Variants in TCF4 observed in about 807,000 individuals in gnomAD.
The protein encoded by TCF4 is transcription factor 4.
TCF4 carries 3 observed loss-of-function variants against 82.1 expected under a neutral mutation model. That is an observed-to-expected ratio of 0.04 (90% CI 0.02 to 0.09). The LOEUF is 0.09. Ranked by LOEUF, TCF4 falls within the 10% of genes least tolerant of loss-of-function variation. The probability of loss-of-function intolerance (pLI) is 1.00; values close to 1 mark genes in which losing one functional copy is unlikely to be tolerated. For synonymous variants in TCF4, 276 were observed against 309.6 expected (o/e 0.89, Z 1.14); for missense variants, 518 against 852.7 (o/e 0.61, Z 4.89).
intron 3 of TCF4, among the ~76,000 whole-genome samples, chr18:55,559,142 C>T (rs1343868668): frequency 6.7e-6 from 1 of 149,330 alleles, no homozygotes; most frequent in African/African-American, 2.5e-5. Context: ...AGAACACGTT[C>T]CCCAAAGCAA....
chr18:55,628,371 T>G (rs967400682), intron 2 of TCF4, among the ~76,000 whole-genome samples: 1 of 152,196 alleles, frequency 6.6e-6, no homozygotes, highest in Non-Finnish European at 1.5e-5. Flanking sequence ...CCTGCTGTTC[T>G]TATTTCTGTG....
At chr18:55,335,892 A>G (rs2078530588) in intron 8 of TCF4, among the ~76,000 whole-genome samples, 1 of 152,128 alleles carries the variant, frequency 6.6e-6, no homozygotes, top group South Asian at 2.1e-4. Context: ...ATTAAAAATG[A>G]CATTCACACC....
At chr18:55,575,562 C>T (rs562508274) in intron 3 of TCF4, among the ~76,000 whole-genome samples, 1 of 152,068 alleles carries the variant, frequency 6.6e-6, no homozygotes, top group Admixed American at 6.6e-5. Context: ...TCTAGAATAT[C>T]CTCTTTGTCA....
chr18:55,510,095 G>C lies in TCF4; in HGVS notation c.146-45958C>G, dbSNP rs1391836559. On this transcript the variant is annotated intron_variant, in intron 3 of 19. Coordinates refer to ENST00000354452, the MANE Select transcript of TCF4 (RefSeq NM_001083962.2). ...CTCCTTCAAGTTTCTACTAAACCAAGGCCAAGTCTCCCCCTGATGTTCTAT... is the reference window on the plus strand; with the variant it reads ...CTCCTTCAAGTTTCTACTAAACCAACGCCAAGTCTCCCCCTGATGTTCTAT... Among the ~76,000 whole-genome samples, 6 of 149,698 alleles carry C rather than the reference G, an allele frequency of 4.0e-5. No homozygotes were observed. In the East Asian group the frequency reaches 1.2e-3, roughly 29 times the overall value.
intron 18 of TCF4, 112 bp from the exon 19 acceptor site, chr18:55,228,473 A>G: frequency 7.0e-7 from 1 of 1,436,028 alleles, no homozygotes; most frequent in Non-Finnish European, 9.7e-7. Flanking sequence ...ATATTACAGA[A>G]CAAAAGGAAC....
intron 4 of TCF4, among the ~76,000 whole-genome samples, chr18:55,463,725 C>A (rs1603484976): frequency 1.3e-5 from 2 of 152,102 alleles, no homozygotes; most frequent in East Asian, 3.9e-4. Flanking sequence ...CCATCTACAA[C>A]AAACAGCATT....
chr18:55,522,007 C>T (rs1273104954), intron 3 of TCF4, among the ~76,000 whole-genome samples: 1 of 152,138 alleles, frequency 6.6e-6, no homozygotes. Context: ...GTTGGGTTTC[C>T]AGAGCCTGTA....
At chr18:55,618,996 T>G (rs529701621) in intron 2 of TCF4, among the ~76,000 whole-genome samples, 90 of 152,274 alleles carry the variant, frequency 5.9e-4, no homozygotes, top group African/African-American at 1.8e-3. Flanking sequence ...TTGTCTGGTT[T>G]TGGTATCAGA....
At chr18:55,475,869 G>A (rs2096278615) in intron 3 of TCF4, among the ~76,000 whole-genome samples, 1 of 152,090 alleles carries the variant, frequency 6.6e-6, no homozygotes, top group South Asian at 2.1e-4. Flanking sequence ...GAGTGGGGAG[G>A]GCAGGAACAA....
chr18:55,535,413 T>C (rs1441813796), intron 3 of TCF4, among the ~76,000 whole-genome samples: 3 of 152,200 alleles, frequency 2.0e-5, no homozygotes, highest in African/African-American at 7.2e-5. Flanking sequence ...TACTTAAGTA[T>C]AAACAGCAGT....
At chr18:55,350,672 A>G (rs977168385) in intron 7 of TCF4, among the ~76,000 whole-genome samples, 1 of 151,976 alleles carries the variant, frequency 6.6e-6, no homozygotes, top group Non-Finnish European at 1.5e-5. Context: ...ATAAGCAGAC[A>G]CCAAAAAAGT....
At chr18:55,416,553 T>C (rs1270503475) in intron 5 of TCF4, among the ~76,000 whole-genome samples, 1 of 152,198 alleles carries the variant, frequency 6.6e-6, no homozygotes, top group Non-Finnish European at 1.5e-5. Flanking sequence ...CCAAGTAACA[T>C]TTCCATCATA....
intron 15 of TCF4, among the ~76,000 whole-genome samples, chr18:55,236,311 C>T (rs1032635693): frequency 9.2e-5 from 14 of 152,112 alleles, no homozygotes; most frequent in African/African-American, 3.1e-4. Flanking sequence ...GGTTATTTGG[C>T]CTCTGTGGGG....
At position 55,278,481 on chromosome 18, in the gene TCF4, T is replaced by A. The variant is rs1411586520; in HGVS notation, c.655+1070A>T. Among the ~76,000 whole-genome samples, 6 of 152,358 alleles carry A rather than the reference T, an allele frequency of 3.9e-5. No individual in the cohort carries two copies. In the East Asian group the frequency reaches 1.2e-3, roughly 29 times the overall value. ...CAGGATGGAGCCCTTAGGGGCATCC[T>A]CCAAGTGGTTCATTCTTGAAGTAGC... On this transcript the variant is annotated intron_variant, in intron 9 of 19. Transcript: ENST00000354452.
chr18:55,278,057 C>A (rs1196392241), intron 9 of TCF4, among the ~76,000 whole-genome samples: 1 of 152,088 alleles, frequency 6.6e-6, no homozygotes, highest in Non-Finnish European at 1.5e-5. Flanking sequence ...GGAACAAATT[C>A]TCTCTATTCC....
chr18:55,236,764 TGTCA>T (rs1221306063), intron 15 of TCF4, among the ~76,000 whole-genome samples: 1 of 152,228 alleles, frequency 6.6e-6, no homozygotes, highest in Non-Finnish European at 1.5e-5. Flanking sequence ...TCTTTATGTC[TGTCA>T]ATCAATATAA....
chr18:55,435,199 G>A (rs1464997749), intron 5 of TCF4, among the ~76,000 whole-genome samples: 1 of 152,176 alleles, frequency 6.6e-6, no homozygotes, highest in African/African-American at 2.4e-5. Flanking sequence ...AATGCCTGAT[G>A]CAATGTGAGT....
At chr18:55,234,846 C>T (rs572503773) in intron 15 of TCF4, among the ~76,000 whole-genome samples, 163 bp from the exon 16 acceptor site, 18 of 152,228 alleles carry the variant, frequency 1.2e-4, no homozygotes, top group Admixed American at 3.3e-4. Context: ...CTATAGTTCC[C>T]GGCGAAAACA....
intron 6 of TCF4, among the ~76,000 whole-genome samples, chr18:55,394,582 C>T (rs759863826): frequency 1.6e-4 from 24 of 152,088 alleles, no homozygotes; most frequent in Non-Finnish European, 3.1e-4. Context: ...GTCGCTCTCC[C>T]GCCAAAATGT....
Sources: gnomAD v4.1 joint callset for allele counts (sites outside exome capture counted in the v4.1 genomes callset) on GRCh38, gnomAD v4.1.1 for gene constraint, MANE v1.5 for transcripts, NCBI Gene and HGNC (gene_info 2026-07-23, HGNC 2026-07-21) for gene names.